The following SAMD9 variants were observed in gnomAD, a reference collection of about 807,000 sequenced individuals.
SAMD9 encodes sterile alpha motif domain-containing protein 9.
Under a neutral mutation model 1.5 loss-of-function variants are expected in SAMD9, and 3 were observed. That is an observed-to-expected ratio of 2.05 (90% confidence interval 0.93 to 5.29). The LOEUF is 5.29. Among genes scored for constraint, SAMD9 ranks in the 30% most tolerant of loss-of-function variants. The pLI is 0.02. For missense variants in SAMD9, 1,597 were observed against 1,820.8 expected (o/e 0.88, Z 2.24); for synonymous variants, 635 against 631.9 (o/e 1.00, Z -0.07).
chr7:93,104,770 T>A lies in SAMD9; in HGVS notation c.1328A>T (p.Asp443Val), dbSNP rs749825806. 9.3e-6 allele frequency: 15 copies of A among 1,613,756 alleles called. No homozygotes were observed. The highest frequency in any genetic ancestry group is 8.3e-5 in the Admixed American group (5 of 59,912). Residue 443 changes from aspartate (D) to valine (V), a missense_variant, in exon 3 of 3, where the codon GAT becomes GTT. By Grantham distance (152) the Asp-to-Val change is radical. Around this residue, in one of 6 missense-constraint regions of SAMD9, gnomAD observed 358 missense variants for 460.4 expected, o/e 0.78. Coordinates refer to ENST00000379958, the MANE Select transcript of SAMD9 (RefSeq NM_017654.4). ...EIKWFAVLEF[D>V]PESNINGVVK... The stretch of plus-strand genomic sequence containing the variant: ...CACTCCATTGATGTTAGACTCAGGA[T>A]CAAACTCCAATACAGCAAACCATTT...
rs1791504529 is a variant in SAMD9, at chr7:93,100,202, A to G, written c.*1126T>C. On this transcript the variant is annotated 3_prime_UTR_variant, in exon 3 of 3. Transcript: ENST00000379958. The stretch of plus-strand genomic sequence containing the variant: ...CCTTTCTGGATATTGCTGATTGCAT[A>G]TTTGTGGTGGTGTTAGTAGGATTTT... 1 of 151,996 alleles carries G rather than the reference A, an allele frequency of 6.6e-6. No individual in the cohort carries two copies. Among genetic ancestry groups the G allele is most frequent in the East Asian group, 1.9e-4 (1 of 5,186 alleles). 9.4% of individuals were successfully genotyped at this position (151,996 alleles called of 1,614,324 possible). A position where few individuals can be genotyped will look rare whatever the true frequency, so the allele number is the denominator to read the frequency against.
Position 93,105,581 on chromosome 7 carries a change from A to G in SAMD9, c.517T>C (p.Tyr173His). 1 of 1,614,120 alleles carries G rather than the reference A, an allele frequency of 6.2e-7. No homozygotes were observed. The highest frequency in any genetic ancestry group is 8.5e-7 in the Non-Finnish European group (1 of 1,180,004). ...SYPFDEFSNP[Y>H]RYKLDFSLQP... ...AGACTAAAATCCAACTTGTAACGAT[A>G]TGGATTACTGAATTCATCAAATGGA... Residue 173 changes from tyrosine to histidine, a missense_variant, in exon 3 of 3, where the codon TAT becomes CAT. By Grantham distance (83) the Tyr-to-His change is moderately conservative. This residue lies in a region of SAMD9 where 498 missense variants were observed against 457.4 expected (regional missense o/e 1.09). Transcript: ENST00000379958.
At chr7:93,107,255 T>C (rs1193438461) in intron 2 of SAMD9, among the ~76,000 whole-genome samples, 1 of 152,136 alleles carries the variant, frequency 6.6e-6, no homozygotes, top group Non-Finnish European at 1.5e-5. Flanking sequence ...TCAAGCATCT[T>C]AATTTTGTCT....
rs1791726037 is a variant in SAMD9, at chr7:93,110,671, A to G, written c.-9+4124T>C. 2.7e-5 allele frequency among the ~76,000 whole-genome samples: 4 copies of G among 150,808 alleles called. No individual in the cohort carries two copies. The South Asian group carries it at 8.3e-4, about 31-fold the overall frequency. ...GGTTGCAATTGTAGTCTCTGATAAA[A>G]CAGACTTTAAACCAACAAGGATCAA... On this transcript the variant is annotated intron_variant, in intron 2 of 2. Coordinates refer to ENST00000379958, the MANE Select transcript of SAMD9 (RefSeq NM_017654.4).
rs771055414 is a variant in SAMD9, at chr7:93,102,675, G to A, written c.3423C>T (p.Asn1141=). The change falls in exon 3 of 3, where the codon AAC becomes AAT. Residue 1141 remains asparagine (N), a synonymous_variant. Transcript: ENST00000379958. ...IRWWIEENGG[N]GNISVDDLIA... ...TTAGATCATCAACTGAAATGTTCCC[G>A]TTTCCTCCGTTTTCCTCTATCCACC... The A allele has an allele frequency of 2.4e-5, 38 of 1,613,666 alleles. No individual in the cohort carries two copies. Among genetic ancestry groups the A allele is most frequent in the South Asian group, 1.2e-4 (11 of 91,084 alleles).
At chr7:93,115,345 A>G (rs1791816236) in intron 1 of SAMD9, among the ~76,000 whole-genome samples, 1 of 152,088 alleles carries the variant, frequency 6.6e-6, no homozygotes, top group African/African-American at 2.4e-5. Context: ...ATATATACCT[A>G]CTCTTTGGAT....
At chr7:93,108,146 T>TGCCGTGCCTC (rs1205916214) in intron 2 of SAMD9, among the ~76,000 whole-genome samples, 1 of 151,300 alleles carries the variant, frequency 6.6e-6, no homozygotes, top group Non-Finnish European at 1.5e-5. Flanking sequence ...CGCCGTGCCT[T>TGCCGTGCCTC]GCCGTGCCTC....
In SAMD9 at chr7:93,104,512, G is replaced by T; in HGVS notation, c.1586C>A (p.Thr529Lys). The change falls in exon 3 of 3, where the codon ACA becomes AAA. Residue 529 changes from threonine to lysine, a missense_variant. Coordinates refer to ENST00000379958, the MANE Select transcript of SAMD9 (RefSeq NM_017654.4). Reference sequence around the variant, plus strand: ...CCCTCTTGGCATTATGTCTTCATGTGTAAGAAATGAAATCAGTTTCCTGAC... The same window carrying T: ...CCCTCTTGGCATTATGTCTTCATGTTTAAGAAATGAAATCAGTTTCCTGAC... ...SDVRKLISFLTHEDIMPRGKF... is the reference protein window; with the variant it reads ...SDVRKLISFLKHEDIMPRGKF... The T allele has an allele frequency of 6.2e-7, 1 of 1,614,016 alleles. No homozygotes were observed. Among genetic ancestry groups the T allele is most frequent in the Non-Finnish European group, 8.5e-7 (1 of 1,179,910 alleles).
intron 2 of SAMD9, among the ~76,000 whole-genome samples, chr7:93,109,682 C>T (rs774366808): frequency 6.6e-6 from 1 of 152,106 alleles, no homozygotes; most frequent in Non-Finnish European, 1.5e-5. Flanking sequence ...GTAGCTGATT[C>T]TATCAAGTGG....
At chr7:93,109,430 C>T (rs770095000) in intron 2 of SAMD9, among the ~76,000 whole-genome samples, 6 of 152,160 alleles carry the variant, frequency 3.9e-5, no homozygotes, top group African/African-American at 7.2e-5. Context: ...TCGCCAGCAA[C>T]GGAACAAAGC....
chr7:93,104,203 A>T lies in SAMD9; in HGVS notation c.1895T>A (p.Leu632Ter), dbSNP rs755177438. ...GACAGTCGATAAACCAATAGATGGCAAAAGCCTTTTTGAAGATTGAGTCAC... is the reference window on the plus strand; with the variant it reads ...GACAGTCGATAAACCAATAGATGGCTAAAGCCTTTTTGAAGATTGAGTCAC... ...KSVTQSSKRL[L>*]PSIGLSTVLL... The change falls in exon 3 of 3, where the codon TTG (leucine) becomes TAG (stop). Residue 632 changes from leucine to a stop codon, truncating the protein, a stop_gained. Transcript: ENST00000379958. LOFTEE classifies it low-confidence loss of function (END_TRUNC). 1 of 1,613,874 alleles carries T rather than the reference A, an allele frequency of 6.2e-7. No homozygotes were observed. Among genetic ancestry groups the T allele is most frequent in the Non-Finnish European group, 8.5e-7 (1 of 1,179,866 alleles).
Position 93,104,990 on chromosome 7 carries a change from C to T in SAMD9, c.1108G>A (p.Ala370Thr), listed in dbSNP as rs768476519. The T allele has an allele frequency of 6.2e-7, 1 of 1,613,376 alleles. No individual in the cohort carries two copies. The highest frequency in any genetic ancestry group is 8.5e-7 in the Non-Finnish European group (1 of 1,179,886). Residue 370 changes from alanine to threonine, a missense_variant, in exon 3 of 3, where the codon GCA (alanine) becomes ACA (threonine). Physicochemically the swap from Ala to Thr is moderately conservative, Grantham distance 58 (BLOSUM62 0). Around this residue, in one of 6 missense-constraint regions of SAMD9, gnomAD observed 498 missense variants for 457.4 expected, o/e 1.09. Transcript: ENST00000379958. Reference protein sequence around the residue: ...RAFKADFKTLAESRKAAEEKF... With the variant: ...RAFKADFKTLTESRKAAEEKF... ...TCTTCTGCTGCTTTTCTGGACTCTG[C>T]CAGTGTTTTAAAATCTGCTTTAAAT...
intron 2 of SAMD9, among the ~76,000 whole-genome samples, chr7:93,110,770 T>C (rs1383483786): frequency 6.6e-6 from 1 of 151,986 alleles, no homozygotes; most frequent in Non-Finnish European, 1.5e-5. Flanking sequence ...CCTAAATATA[T>C]ATGCACCCAA....
At position 93,101,247 on chromosome 7, in the gene SAMD9, C is replaced by T; in HGVS notation, c.*81G>A. 1 of 1,088,980 alleles carries T rather than the reference C, an allele frequency of 9.2e-7. No individual in the cohort carries two copies. Among genetic ancestry groups the T allele is most frequent in the Non-Finnish European group, 1.4e-6 (1 of 713,370 alleles). 67.5% of individuals were successfully genotyped at this position (1,088,980 alleles called of 1,614,324 possible). A position where few individuals can be genotyped will look rare whatever the true frequency, so the allele number is the denominator to read the frequency against. On this transcript the variant is annotated 3_prime_UTR_variant, in exon 3 of 3. Coordinates refer to ENST00000379958, the MANE Select transcript of SAMD9 (RefSeq NM_017654.4). The stretch of plus-strand genomic sequence containing the variant: ...GCTAGAGGCTGTATCTATAACCTTG[C>T]CGGTTTAAAGCATAGATCTTGAGTC...
At chr7:93,112,961 T>C (rs1020888917) in intron 2 of SAMD9, among the ~76,000 whole-genome samples, 49 of 152,084 alleles carry the variant, frequency 3.2e-4, no homozygotes, top group Non-Finnish European at 6.5e-4. Context: ...TACTTTAAAG[T>C]TCATATGGAA....
chr7:93,107,466 G>A (rs1791665585), intron 2 of SAMD9, among the ~76,000 whole-genome samples: 1 of 152,160 alleles, frequency 6.6e-6, no homozygotes, highest in Non-Finnish European at 1.5e-5. Context: ...CAGAAATATA[G>A]CAATGGTTAG....
intron 2 of SAMD9, among the ~76,000 whole-genome samples, chr7:93,110,275 C>T (rs1329100141): frequency 6.6e-6 from 1 of 152,148 alleles, no homozygotes; most frequent in Admixed American, 6.5e-5. Flanking sequence ...TTTGTTACCA[C>T]CAGGCCTGCC....
rs977570488 is a variant in SAMD9 at position 93,100,197 on chromosome 7, T to C, written c.*1131A>G. On this transcript the variant is annotated 3_prime_UTR_variant, in exon 3 of 3. Coordinates refer to ENST00000379958, the MANE Select transcript of SAMD9 (RefSeq NM_017654.4). ...TTTCCCCTTTCTGGATATTGCTGAT[T>C]GCATATTTGTGGTGGTGTTAGTAGG... 3 of 152,164 alleles carry C rather than the reference T, an allele frequency of 2.0e-5. No homozygotes were observed. Among genetic ancestry groups the C allele is most frequent in the Non-Finnish European group, 4.4e-5 (3 of 68,012 alleles). The allele number at this position is 152,164 out of a possible 1,614,324, so 9.4% of individuals were successfully genotyped here.
chr7:93,102,668 T>A lies in SAMD9; in HGVS notation c.3430A>T (p.Ile1144Phe). Residue 1144 changes from isoleucine to phenylalanine, a missense_variant, in exon 3 of 3, where the codon ATT becomes TTT. Physicochemically the swap from Ile to Phe is conservative, Grantham distance 21 (BLOSUM62 0). Transcript: ENST00000379958. ...AGAGCAATTAGATCATCAACTGAAATGTTCCCGTTTCCTCCGTTTTCCTCT... is the reference window on the plus strand; with the variant it reads ...AGAGCAATTAGATCATCAACTGAAAAGTTCCCGTTTCCTCCGTTTTCCTCT... The part of the protein sequence containing the change: ...WIEENGGNGN[I>F]SVDDLIALLD... 6.2e-7 allele frequency: 1 copy of A among 1,613,932 alleles called. No individual in the cohort carries two copies. The highest frequency in any genetic ancestry group is 8.5e-7 in the Non-Finnish European group (1 of 1,179,832).
Sources: gnomAD v4.1 joint callset for allele counts (sites outside exome capture counted in the v4.1 genomes callset) on GRCh38, gnomAD v4.1.1 for gene constraint, gnomAD v4.1.1 regional missense constraint, MANE v1.5 for transcripts, NCBI Gene and HGNC (gene_info 2026-07-23, HGNC 2026-07-21) for gene names.